The following ANK1 variants were observed in gnomAD, a reference collection of about 807,000 sequenced individuals.
ANK1 encodes ankyrin 1.
Under a neutral mutation model 210.4 loss-of-function variants are expected in ANK1, and 51 were observed. The observed-to-expected ratio is 0.24, with a 90% confidence interval of 0.19 to 0.31. ANK1 has a LOEUF of 0.31. Ranked by LOEUF, ANK1 falls within the 10% of genes least tolerant of loss-of-function variation. The pLI, the probability that ANK1 is intolerant of heterozygous loss-of-function variation, is 1.00. For missense variants in ANK1, 2,051 were observed against 2,504.4 expected, an observed-to-expected ratio of 0.82 and a Z score of 3.86; for synonymous variants, 967 against 1,025.9, an observed-to-expected ratio of 0.94 and a Z score of 1.10.
At chr8:41,891,230 C>T (rs1306104581) in intron 1 of ANK1, among the ~76,000 whole-genome samples, 1 of 152,020 alleles carries the variant, frequency 6.6e-6, no homozygotes, top group East Asian at 1.9e-4. Context: ...ACACACTCGC[C>T]ACTACGTGCT....
chr8:41,747,754 A>G (rs1427722749), intron 2 of ANK1, among the ~76,000 whole-genome samples: 1 of 152,176 alleles, frequency 6.6e-6, no homozygotes, highest in Non-Finnish European at 1.5e-5. Flanking sequence ...TGTTCCTTGC[A>G]CTACATTCCG....
rs181725245 is a variant in ANK1, at chr8:41,883,791, A to G, written c.126+12564T>C. On this transcript the variant is annotated intron_variant, in intron 1 of 42. Coordinates refer to the ANK1 transcript ENST00000265709. ...AAGGGTCTTAAGAGTCCTCTAAACT[A>G]AATACAGAGGCTCAGAAGCAGGAGA... Among the ~76,000 whole-genome samples, 472 of 152,302 alleles carry G rather than the reference A, an allele frequency of 3.1e-3. 1 individual carries two copies. The highest frequency in any genetic ancestry group is 0.011 in the African/African-American group (452 of 41,566).
At chr8:41,760,299 C>T (rs1840102202) in intron 1 of ANK1, among the ~76,000 whole-genome samples, 1 of 152,162 alleles carries the variant, frequency 6.6e-6, no homozygotes, top group Non-Finnish European at 1.5e-5. Context: ...TGGTTTTTCC[C>T]ATGCTGTTCC....
intron 1 of ANK1, among the ~76,000 whole-genome samples, chr8:41,835,942 C>T (rs1807609322): frequency 6.6e-6 from 1 of 152,224 alleles, no homozygotes; most frequent in Admixed American, 6.5e-5. Context: ...CCCATAGGCC[C>T]CACCAGGGAG....
In ANK1 at chr8:41,692,779, C is replaced by A; in HGVS notation, c.3727G>T (p.Val1243Phe). ...GGGTCATTCATCTTGGCAAAGATGA[C>A]GAATTTGGCCATGTAGGGCACTGCA... Reference protein sequence around the residue: ...LTAVPYMAKFVIFAKMNDPRE... With the variant: ...LTAVPYMAKFFIFAKMNDPRE... Residue 1243 changes from valine (V) to phenylalanine (F), a missense_variant, in exon 31 of 43, where the codon GTC (valine) becomes TTC (phenylalanine). By Grantham distance (50) the Val-to-Phe change is conservative. Transcript: ENST00000289734. 1 of 1,614,038 alleles carries A rather than the reference C, an allele frequency of 6.2e-7. No individual in the cohort carries two copies. Among genetic ancestry groups the A allele is most frequent in the South Asian group, 1.1e-5 (1 of 91,068 alleles).
At position 41,763,881 on chromosome 8, in the gene ANK1, C is replaced by CTT. The variant is rs1554605131; in HGVS notation, c.28-5746_28-5745dup. Among the ~76,000 whole-genome samples, 257 of 71,962 alleles carry CTT rather than the reference C, an allele frequency of 3.6e-3. 21 individuals carry two copies. Among genetic ancestry groups the CTT allele is most frequent in the Non-Finnish European group, 4.1e-3 (154 of 37,170 alleles). 47.2% of individuals were successfully genotyped at this position (71,962 alleles called of 152,430 possible). ...TTCTTTCTTTCTTCTTTCTTTTTTT[C>CTT]TTTTTTTCTTTTTTTTTTTTTTTTT... is the stretch of plus-strand genomic sequence containing the variant. On this transcript the variant is annotated intron_variant, in intron 1 of 42. Transcript: ENST00000289734.
In ANK1 at chr8:41,827,690, ACT is replaced by A. The variant is rs1491012402; in HGVS notation, c.126+68663_126+68664del. ...CACACACATCCCCTCATATATACAC[ACT>A]CACACACACTCACACGCACACCCAC... On this transcript the variant is annotated intron_variant, in intron 1 of 42. Coordinates refer to the ANK1 transcript ENST00000265709. Among the ~76,000 whole-genome samples, 6 of 46,212 alleles carry A rather than the reference ACT, an allele frequency of 1.3e-4. No homozygotes were observed. The East Asian group carries it at 1.4e-3, about 11-fold the overall frequency. The allele number at this position is 46,212 out of a possible 152,430, so 30.3% of individuals were successfully genotyped here.
intron 2 of ANK1, among the ~76,000 whole-genome samples, chr8:41,751,705 C>T (rs1586696814): frequency 1.3e-5 from 2 of 152,092 alleles, no homozygotes; most frequent in African/African-American, 4.8e-5. Context: ...AAAGCCACCC[C>T]GGGGTCCCAC....
intron 1 of ANK1, among the ~76,000 whole-genome samples, chr8:41,891,904 C>CA: frequency 6.6e-6 from 1 of 152,202 alleles, no homozygotes; most frequent in Non-Finnish European, 1.5e-5. Context: ...GTATGCTAAT[C>CA]AAAAGCCAAA....
chr8:41,674,464 A>G (rs995765315), intron 37 of ANK1, among the ~76,000 whole-genome samples: 2 of 152,140 alleles, frequency 1.3e-5, no homozygotes, highest in African/African-American at 4.8e-5. Context: ...ATGCAAACCC[A>G]TGAGGACAGG....
At chr8:41,727,163 A>G in intron 5 of ANK1, 87 bp downstream of exon 5, 1 of 1,016,884 alleles carries the variant, frequency 9.8e-7, no homozygotes, top group East Asian at 2.4e-5. Flanking sequence ...ATGCACCCCA[A>G]GCCACATCCC....
At chr8:41,804,450 T>C (rs1850628165) in intron 1 of ANK1, among the ~76,000 whole-genome samples, 1 of 152,200 alleles carries the variant, frequency 6.6e-6, no homozygotes, top group African/African-American at 2.4e-5. Flanking sequence ...TCGAAGAATG[T>C]GTACATATTT....
At chr8:41,701,946 G>A in intron 21 of ANK1, 106 bp downstream of exon 21, 1 of 1,238,074 alleles carries the variant, frequency 8.1e-7, no homozygotes, top group East Asian at 2.4e-5. Flanking sequence ...CCTCCGACCC[G>A]CGTCCCGGAG....
Position 41,672,479 on chromosome 8 carries a change from A to G in ANK1, c.4971T>C (p.Asp1657=). The G allele has an allele frequency of 3.1e-6, 5 of 1,614,206 alleles. No individual in the cohort carries two copies. The highest frequency in any genetic ancestry group is 4.2e-6 in the Non-Finnish European group (5 of 1,180,016). ...EEKLPGSKRQ[D]DATGAGQDSE... is the part of the protein sequence containing the mutation. The stretch of plus-strand genomic sequence containing the variant: ...AGTCCTGCCCTGCACCTGTCGCGTC[A>G]TCCTGCCTCTTAGAACCTGGCAGCT... The change falls in exon 38 of 43, where the codon GAT becomes GAC. Residue 1657 remains aspartate (D), a synonymous_variant. Coordinates refer to ENST00000289734, the MANE Select transcript of ANK1 (RefSeq NM_000037.4).
At chr8:41,841,877 T>A (rs1808977528) in intron 1 of ANK1, among the ~76,000 whole-genome samples, 1 of 152,202 alleles carries the variant, frequency 6.6e-6, no homozygotes, top group Admixed American at 6.5e-5. Context: ...AGGCACCTCC[T>A]GGGGCAGAGA....
chr8:41,849,461 CTGCAGTGAGCTGAGATCACACCAT>C (rs1452118075), intron 1 of ANK1, among the ~76,000 whole-genome samples: 46 of 151,988 alleles, frequency 3.0e-4, no homozygotes, highest in African/African-American at 1.1e-3. Flanking sequence ...GAGGCAGAGA[CTGCAGTGAGCTGAGATCACACCAT>C]TGTACTCCAG....
chr8:41,784,713 G>A (rs940385986), intron 1 of ANK1, among the ~76,000 whole-genome samples: 1 of 152,162 alleles, frequency 6.6e-6, no homozygotes, highest in Non-Finnish European at 1.5e-5. Context: ...TCATGGTGAA[G>A]GTTTTGCAAA....
chr8:41,683,559 C>T (rs1377142495), intron 37 of ANK1, among the ~76,000 whole-genome samples: 2 of 152,246 alleles, frequency 1.3e-5, no homozygotes, highest in African/African-American at 4.8e-5. Context: ...GGAGCATACA[C>T]ATCACCATGC....
rs569432952 is a variant in ANK1, at chr8:41,875,374, A to G, written c.126+20981T>C. ...GCAAAGAATGGGTCAGCATGGATGG[A>G]GGCGGGTATACCCAACACTGGGCCT... On this transcript the variant is annotated intron_variant, in intron 1 of 42. Coordinates refer to the ANK1 transcript ENST00000265709. 5.3e-5 allele frequency among the ~76,000 whole-genome samples: 8 copies of G among 152,322 alleles called. No homozygotes were observed. The South Asian group carries it at 1.7e-3, about 32-fold the overall frequency.
Sources: allele counts gnomAD v4.1 joint callset (sites outside exome capture counted in the v4.1 genomes callset), GRCh38; gene constraint gnomAD v4.1.1; transcripts MANE v1.5; gene names NCBI Gene and HGNC (gene_info 2026-07-23, HGNC 2026-07-21).